LARP1: variants seen among roughly 807,000 people sequenced by gnomAD.
The protein encoded by LARP1 is la-related protein 1.
A neutral mutation model predicts 122.7 loss-of-function variants in LARP1; 36 were observed. That is an observed-to-expected ratio of 0.29 (90% CI 0.22 to 0.39). The LOEUF (loss-of-function observed/expected upper bound fraction) is 0.39. LARP1 is among the 10% of genes least tolerant of loss of function. LARP1 has a pLI of 1.00. For missense variants in LARP1, 1,040 were observed against 1,403.6 expected (o/e 0.74, Z 4.14); for synonymous variants, 539 against 528.7 (o/e 1.02, Z -0.27).
intron 1 of LARP1, among the ~76,000 whole-genome samples, chr5:154,773,968 G>A (rs990083242): frequency 2.0e-5 from 3 of 152,150 alleles, no homozygotes; most frequent in African/African-American, 7.2e-5. Flanking sequence ...TGCACCCCTA[G>A]TGTGGGCACA....
intron 1 of LARP1, among the ~76,000 whole-genome samples, chr5:154,715,128 C>T (rs993331539): frequency 4.0e-5 from 6 of 150,618 alleles, no homozygotes; most frequent in African/African-American, 1.2e-4. Context: ...TGCAGTGAGC[C>T]GAGATCACGA....
At chr5:154,806,141 CA>C (rs938405887) in intron 15 of LARP1, 109 bp downstream of exon 15, 255 of 1,151,668 alleles carry the variant, frequency 2.2e-4, no homozygotes, top group South Asian at 3.4e-4. Context: ...GACTTCAGAG[CA>C]AAAAAAAGAC....
chr5:154,771,342 A>G (rs1755411738), intron 1 of LARP1, among the ~76,000 whole-genome samples: 2 of 152,082 alleles, frequency 1.3e-5, no homozygotes, highest in Non-Finnish European at 2.9e-5. Context: ...ACTCCTATTC[A>G]CTGTCACCAT....
At chr5:154,693,524 A>G (rs954835716) in intron 1 of LARP1, among the ~76,000 whole-genome samples, 10 of 152,148 alleles carry the variant, frequency 6.6e-5, no homozygotes, top group Non-Finnish European at 4.4e-5. Context: ...TTACTGTCTC[A>G]TTTATTAATT....
chr5:154,802,732 C>A lies in LARP1; in HGVS notation c.2109+333C>A, dbSNP rs1218070016. Among the ~76,000 whole-genome samples, 1 of 152,150 alleles carries A rather than the reference C, an allele frequency of 6.6e-6. No individual in the cohort carries two copies. The highest frequency in any genetic ancestry group is 6.5e-5 in the Admixed American group (1 of 15,284). ...TTTCTAGTCTTAAATATTTAGGCAT[C>A]TAAAAATTTAGAAGCCTTTTAAGAA... On this transcript the variant is annotated intron_variant, in intron 11 of 18. Coordinates refer to ENST00000518297, the MANE Select transcript of LARP1 (RefSeq NM_033551.3). This position sits in a 1 kb window ranked among gnomAD's most constrained non-coding sequence, Gnocchi z 5.1.
intron 1 of LARP1, among the ~76,000 whole-genome samples, chr5:154,780,243 AG>A (rs1756312221): frequency 6.6e-6 from 1 of 152,206 alleles, no homozygotes; most frequent in Non-Finnish European, 1.5e-5. Context: ...AGTCTTCCAG[AG>A]GGAGCTGAGA....
chr5:154,805,818 C>T, intron 14 of LARP1, 63 bp from the exon 15 acceptor site: 1 of 1,553,712 alleles, frequency 6.4e-7, no homozygotes. Context: ...CAGAGGGACC[C>T]CTCCTGACAT....
intron 3 of LARP1, 126 bp from the exon 4 acceptor site, chr5:154,792,496 C>G (rs149870316): frequency 2.4e-6 from 2 of 824,378 alleles, no homozygotes; most frequent in Non-Finnish European, 4.0e-6. Flanking sequence ...CCTTAGAATA[C>G]ATCCCATCCA....
rs1753781050 is a variant in LARP1, at chr5:154,755,503, G to A, written c.-255G>A. ...CGTCTTGCGAGGAACGGGCGGGGGG[G>A]GACGCACGCCTAGGAGGCCTGGACT... On this transcript the variant is annotated 5_prime_UTR_variant, in exon 1 of 19. Coordinates refer to ENST00000518297, the MANE Select transcript of LARP1 (RefSeq NM_033551.3). 1 of 966,200 alleles carries A rather than the reference G, an allele frequency of 1.0e-6. No individual in the cohort carries two copies. The highest frequency in any genetic ancestry group is 1.2e-6 in the Non-Finnish European group (1 of 810,890). The allele number at this position is 966,200 out of a possible 1,614,324, so 59.9% of individuals were successfully genotyped here. A position where few individuals can be genotyped will look rare whatever the true frequency, so the allele number is the denominator to read the frequency against.
intron 1 of LARP1, among the ~76,000 whole-genome samples, chr5:154,778,485 G>T (rs1161796436): frequency 2.0e-5 from 3 of 152,142 alleles, no homozygotes; most frequent in Non-Finnish European, 2.9e-5. Context: ...TCTACGTTTT[G>T]ACAAGCTCCT....
rs192241783 is a variant in LARP1 at position 154,808,555 on chromosome 5, A to G, written c.2795A>G (p.Tyr932Cys). Residue 932 changes from tyrosine (Y) to cysteine (C), a missense_variant, in exon 16 of 19, where the codon TAT becomes TGT. By Grantham distance (194) the Tyr-to-Cys change is radical. Around this residue, in one of 8 missense-constraint regions of LARP1, gnomAD observed 59 missense variants for 137.2 expected, o/e 0.43. Coordinates refer to ENST00000518297, the MANE Select transcript of LARP1 (RefSeq NM_033551.3). ...FLRDHFNKKM[Y>C]EEFKQLALED... Reference sequence around the variant, plus strand: ...CGAGATCACTTCAACAAAAAGATGTATGAGGAGTTCAAGCAGCTGGCTCTG... The same window carrying G: ...CGAGATCACTTCAACAAAAAGATGTGTGAGGAGTTCAAGCAGCTGGCTCTG... 6.6e-5 allele frequency: 107 copies of G among 1,613,806 alleles called. No homozygotes were observed. The East Asian group carries it at 2.3e-3, about 34-fold the overall frequency.
At chr5:154,730,899 G>T (rs1285553191) in intron 1 of LARP1, among the ~76,000 whole-genome samples, 24 of 140,268 alleles carry the variant, frequency 1.7e-4, no homozygotes, top group African/African-American at 6.5e-4. Flanking sequence ...ACAGAGTCGC[G>T]TTCTGTTGCC....
chr5:154,796,206 T>A (rs1301651112), intron 8 of LARP1, among the ~76,000 whole-genome samples: 1 of 137,662 alleles, frequency 7.3e-6, no homozygotes, highest in African/African-American at 2.7e-5. Flanking sequence ...ATATATAGTT[T>A]GTGAGAATCA....
chr5:154,798,640 C>G (rs1251441067), intron 8 of LARP1, among the ~76,000 whole-genome samples: 2 of 152,072 alleles, frequency 1.3e-5, no homozygotes, highest in African/African-American at 2.4e-5. Context: ...TAGCTGGGAC[C>G]ACAGATGTAT....
intron 3 of LARP1, chr5:154,792,016 G>A (rs1397320149): frequency 2.2e-6 from 1 of 455,154 alleles, no homozygotes; most frequent in Non-Finnish European, 4.4e-6. Flanking sequence ...GAAGTCAGGT[G>A]TGTTGTATTA....
chr5:154,728,553 G>A (rs981372296), intron 1 of LARP1, among the ~76,000 whole-genome samples: 2 of 152,110 alleles, frequency 1.3e-5, no homozygotes, highest in African/African-American at 4.8e-5. Flanking sequence ...GGAAAATGGA[G>A]AGAGAGGCAG....
intron 1 of LARP1, among the ~76,000 whole-genome samples, chr5:154,722,678 GTTTTTTTTTTTT>G (rs11315331): frequency 1.0e-5 from 1 of 99,144 alleles, no homozygotes; most frequent in Non-Finnish European, 2.0e-5. Flanking sequence ...TCTTTCCTAG[GTTTTTTTTTTTT>G]TTTTTTTTGA....
chr5:154,718,897 CCTT>C (rs1314913565), intron 1 of LARP1, among the ~76,000 whole-genome samples: 1 of 152,182 alleles, frequency 6.6e-6, no homozygotes, highest in Non-Finnish European at 1.5e-5. Flanking sequence ...CAGCCAATCT[CCTT>C]CTTACACAGA....
intron 1 of LARP1, among the ~76,000 whole-genome samples, chr5:154,742,135 C>T (rs1409625004): frequency 6.6e-6 from 1 of 152,220 alleles, no homozygotes; most frequent in African/African-American, 2.4e-5. Context: ...CACAGCTTTT[C>T]TGCACTTCAC....
Sources: gnomAD v4.1 joint callset for allele counts (sites outside exome capture counted in the v4.1 genomes callset) on GRCh38, gnomAD v4.1.1 for gene constraint, gnomAD v4.1.1 regional missense constraint, Gnocchi (gnomAD v3.1) non-coding constraint, MANE v1.5 for transcripts, NCBI Gene and HGNC (gene_info 2026-07-23, HGNC 2026-07-21) for gene names.